The following RGS6 variants were observed in gnomAD, a reference collection of about 807,000 sequenced individuals.
RGS6 encodes regulator of G protein signaling 6, also known as regulator of G-protein signaling 6.
Under a neutral mutation model 78.5 loss-of-function variants are expected in RGS6, and 30 were observed. The observed-to-expected ratio is 0.38, with a 90% confidence interval of 0.29 to 0.52. RGS6 has a LOEUF of 0.52. RGS6 is among the 20% of genes least tolerant of loss of function. The pLI, the probability that RGS6 is intolerant of heterozygous loss-of-function variation, is 0.85. For synonymous variants in RGS6, 206 were observed against 206.0 expected (o/e 1.00, Z 0.00); for missense variants, 495 against 609.7 (o/e 0.81, Z 1.98).
intron 4 of RGS6, among the ~76,000 whole-genome samples, chr14:72,456,826 G>T (rs995811918): frequency 6.6e-6 from 1 of 151,834 alleles, no homozygotes; most frequent in South Asian, 2.1e-4. Context: ...GCCTGTAATC[G>T]CAGCTCTTTG....
At chr14:72,385,208 A>G (rs1319216372) in intron 3 of RGS6, among the ~76,000 whole-genome samples, 1 of 152,186 alleles carries the variant, frequency 6.6e-6, no homozygotes, top group African/African-American at 2.4e-5. Context: ...AATATATTCA[A>G]AGCTTGGGTG....
intron 2 of RGS6, among the ~76,000 whole-genome samples, chr14:72,170,592 G>A (rs146154318): frequency 3.3e-5 from 5 of 152,266 alleles, no homozygotes; most frequent in African/African-American, 1.2e-4. Flanking sequence ...TTATCTTATT[G>A]TCATTTGGCT....
the RGS6 span, among the ~76,000 whole-genome samples, chr14:72,613,012 G>GTGTGTGTC: frequency 3.0e-5 from 4 of 135,436 alleles, no homozygotes; most frequent in African/African-American, 1.3e-4. Flanking sequence ...GTGTGTGTGT[G>GTGTGTGTC]TGTGTGTGTG....
chr14:72,468,903 A>C (rs1490239226), intron 7 of RGS6, among the ~76,000 whole-genome samples: 1 of 152,166 alleles, frequency 6.6e-6, no homozygotes, highest in Admixed American at 6.5e-5. Context: ...GTACTCTCCA[A>C]CTGAAGCTCC....
chr14:72,396,389 G>T (rs1313626409), intron 3 of RGS6, among the ~76,000 whole-genome samples: 1 of 152,050 alleles, frequency 6.6e-6, no homozygotes, highest in Non-Finnish European at 1.5e-5. Context: ...GGGGTTGTTT[G>T]TTTTTTTCCT....
Position 72,398,791 on chromosome 14 carries a change from C to G in RGS6, c.184+46597C>G, listed in dbSNP as rs545906284. Among the ~76,000 whole-genome samples the G allele has an allele frequency of 4.6e-5, 7 of 152,194 alleles. No homozygotes were observed. In the East Asian group the frequency reaches 7.7e-4, roughly 17 times the overall value. On this transcript the variant is annotated intron_variant, in intron 3 of 17. Coordinates refer to ENST00000553525, the MANE Select transcript of RGS6 (RefSeq NM_001204424.2). ...GGTTTCAAAAAACATCTTTATTTCTCCCTTCATTTCGTTATGTACCCAGTA... is the reference window on the plus strand; with the variant it reads ...GGTTTCAAAAAACATCTTTATTTCTGCCTTCATTTCGTTATGTACCCAGTA...
chr14:72,251,118 C>G (rs2055647667), intron 2 of RGS6, among the ~76,000 whole-genome samples: 1 of 152,102 alleles, frequency 6.6e-6, no homozygotes, highest in African/African-American at 2.4e-5. Flanking sequence ...AAAGAGGAAA[C>G]AATAGTTTAT....
intron 2 of RGS6, among the ~76,000 whole-genome samples, chr14:72,300,197 G>A (rs1345211164): frequency 6.7e-6 from 1 of 149,142 alleles, no homozygotes; most frequent in African/African-American, 2.5e-5. Flanking sequence ...TTTTTTTTCT[G>A]ATACTATTGA....
At chr14:71,892,953 G>A in the RGS6 span, among the ~76,000 whole-genome samples, 1 of 152,272 alleles carries the variant, frequency 6.6e-6, no homozygotes, top group South Asian at 2.1e-4. Context: ...GCCCAAGCCA[G>A]CTTCATGGGA....
intron 2 of RGS6, among the ~76,000 whole-genome samples, chr14:72,310,551 A>G (rs2068347936): frequency 6.6e-6 from 1 of 152,328 alleles, no homozygotes; most frequent in East Asian, 1.9e-4. Context: ...AAGAAAAGAA[A>G]CTGATTCTCT....
chr14:72,409,072 A>C (rs2093183997), intron 3 of RGS6, among the ~76,000 whole-genome samples: 1 of 152,242 alleles, frequency 6.6e-6, no homozygotes, highest in African/African-American at 2.4e-5. Flanking sequence ...CATTATATAA[A>C]AATCATAATA....
the RGS6 span, among the ~76,000 whole-genome samples, chr14:71,902,075 G>GAGA: frequency 2.8e-4 from 43 of 151,376 alleles, no homozygotes; most frequent in East Asian, 8.2e-3. Context: ...ATTCTGAGGA[G>GAGA]AAAAAACCTG....
intron 17 of RGS6, chr14:72,553,499 G>A (rs1054753932): frequency 2.6e-5 from 4 of 152,488 alleles, no homozygotes; most frequent in East Asian, 1.9e-4. Context: ...TGGTTCCAGG[G>A]ACAGTCGGCA....
At chr14:72,187,282 C>T (rs2097260682) in intron 2 of RGS6, among the ~76,000 whole-genome samples, 1 of 152,182 alleles carries the variant, frequency 6.6e-6, no homozygotes, top group African/African-American at 2.4e-5. Flanking sequence ...CTGTGTATAA[C>T]TACTCATGTA....
chr14:72,575,787 A>T, the RGS6 span, among the ~76,000 whole-genome samples: 1 of 152,226 alleles, frequency 6.6e-6, no homozygotes, highest in Non-Finnish European at 1.5e-5. Context: ...TGCACCATAA[A>T]TATGTGCAAT....
chr14:72,082,188 A>C lies in RGS6; in HGVS notation c.84+117313A>C, dbSNP rs115074495. On this transcript the variant is annotated intron_variant, in intron 2 of 17. Coordinates refer to ENST00000553525, the MANE Select transcript of RGS6 (RefSeq NM_001204424.2). ...ATTTAAAAAAAAATTTCTGTGAAGC[A>C]TGTCATTGGTATTGTGATAAAGATT... Among the ~76,000 whole-genome samples, 1,046 of 152,246 alleles carry C rather than the reference A, an allele frequency of 6.9e-3. 16 individuals are homozygous for C. The highest frequency in any genetic ancestry group is 0.024 in the African/African-American group (995 of 41,578).
chr14:72,281,700 C>A lies in RGS6; in HGVS notation c.85-70395C>A, dbSNP rs77980338. Among the ~76,000 whole-genome samples, 1,027 of 152,138 alleles carry A rather than the reference C, an allele frequency of 6.8e-3. 15 individuals are homozygous for A. Among genetic ancestry groups the A allele is most frequent in the African/African-American group, 0.024 (983 of 41,518 alleles). ...AGATCTCTGAAAATCTGGAGGAAGCCCTTTCTAGGAGAAGGAACACACAAG... is the reference window on the plus strand; with the variant it reads ...AGATCTCTGAAAATCTGGAGGAAGCACTTTCTAGGAGAAGGAACACACAAG... On this transcript the variant is annotated intron_variant, in intron 2 of 17. Coordinates refer to ENST00000553525, the MANE Select transcript of RGS6 (RefSeq NM_001204424.2).
chr14:72,460,461 C>T (rs571029742), intron 6 of RGS6, among the ~76,000 whole-genome samples: 1 of 152,324 alleles, frequency 6.6e-6, no homozygotes, highest in South Asian at 2.1e-4. Context: ...TAGCCTATGT[C>T]TGAGGCAGAA....
chr14:72,250,809 AATCATTT>A (rs1462739823), intron 2 of RGS6, among the ~76,000 whole-genome samples: 1 of 152,228 alleles, frequency 6.6e-6, no homozygotes, highest in African/African-American at 2.4e-5. Flanking sequence ...GTGTGGATTC[AATCATTT>A]ATTCATTTTT....
Sources: allele counts gnomAD v4.1 joint callset (sites outside exome capture counted in the v4.1 genomes callset), GRCh38; gene constraint gnomAD v4.1.1; transcripts MANE v1.5; gene names NCBI Gene and HGNC (gene_info 2026-07-23, HGNC 2026-07-21).